The following CNN2 variants were observed in gnomAD, a reference collection of about 807,000 sequenced individuals.
The protein encoded by CNN2 is calponin 2.
In CNN2, 21 loss-of-function variants were observed where a neutral mutation model predicts 31.0. The ratio of observed to expected loss-of-function variants is 0.68; its 90% CI spans 0.48 to 0.98. The LOEUF (loss-of-function observed/expected upper bound fraction) is 0.98, where lower values mean the gene tolerates loss of function less well. Ranked by LOEUF, CNN2 falls within the 50% of genes least tolerant of loss-of-function variation. The probability of loss-of-function intolerance (pLI) is 0.00; values close to 1 mark genes in which losing one functional copy is unlikely to be tolerated. For missense variants in CNN2, 399 were observed against 427.3 expected (o/e 0.93, Z 0.58); for synonymous variants, 165 against 179.6 (o/e 0.92, Z 0.65).
chr19:1,036,034 C>T lies in CNN2; in HGVS notation c.391-96C>T, dbSNP rs1298025519. On this transcript the variant is annotated intron_variant, in intron 4 of 6. Coordinates refer to ENST00000263097, the MANE Select transcript of CNN2 (RefSeq NM_004368.4). Reference sequence around the variant, plus strand: ...GGCTCTGCGCGGCAGGCAGAGGTGACAGGCCGCGGCCTGGTCTCTGTCCCG... The same window carrying T: ...GGCTCTGCGCGGCAGGCAGAGGTGATAGGCCGCGGCCTGGTCTCTGTCCCG... The T allele has an allele frequency of 4.1e-6, 6 of 1,456,114 alleles. No individual in the cohort carries two copies. The East Asian group carries it at 1.5e-4, about 36-fold the overall frequency. The allele number at this position is 1,456,114 out of a possible 1,614,324, so 90.2% of individuals were successfully genotyped here. A position where few individuals can be genotyped will look rare whatever the true frequency, so the allele number is the denominator to read the frequency against.
intron 6 of CNN2, chr19:1,036,986 T>C (rs2144631985): frequency 3.7e-6 from 1 of 270,738 alleles, no homozygotes; most frequent in Non-Finnish European, 7.3e-6. Context: ...GCCTCCCGAG[T>C]AGCTGGGACT....
intron 1 of CNN2, 183 bp from the exon 2 acceptor site, chr19:1,030,888 G>C: frequency 1.4e-6 from 1 of 714,108 alleles, no homozygotes; most frequent in Non-Finnish European, 2.3e-6. Context: ...GCCTGCAGTG[G>C]CTGGGGCGCC....
intron 1 of CNN2, among the ~76,000 whole-genome samples, chr19:1,027,404 G>A (rs2039416401): frequency 1.3e-5 from 2 of 152,274 alleles, no homozygotes; most frequent in African/African-American, 4.8e-5. Flanking sequence ...GCAGGGCGCG[G>A]GGGCTCACGC....
intron 2 of CNN2, 136 bp from the exon 3 acceptor site, chr19:1,032,255 TG>T: frequency 1.2e-6 from 1 of 836,192 alleles, no homozygotes; most frequent in Non-Finnish European, 1.8e-6. Flanking sequence ...AAAAAAAGAG[TG>T]GAAACTGAGG....
At chr19:1,036,350 C>T in intron 5 of CNN2, 66 bp from the exon 6 acceptor site, 1 of 1,589,472 alleles carries the variant, frequency 6.3e-7, no homozygotes, top group Non-Finnish European at 8.6e-7. Context: ...TGTGGTCCCT[C>T]AATTTCAGGG....
At chr19:1,027,717 G>T (rs1268948492) in intron 1 of CNN2, among the ~76,000 whole-genome samples, 2 of 152,082 alleles carry the variant, frequency 1.3e-5, no homozygotes, top group Admixed American at 6.5e-5. Context: ...CTGGAGGGGG[G>T]TGTCGTCCCC....
chr19:1,028,508 C>T (rs2039435087), intron 1 of CNN2, among the ~76,000 whole-genome samples: 1 of 152,194 alleles, frequency 6.6e-6, no homozygotes, highest in African/African-American at 2.4e-5. Context: ...CCCCGCTTCC[C>T]CGTGGCTCAG....
intron 1 of CNN2, among the ~76,000 whole-genome samples, chr19:1,028,896 T>C (rs949293699): frequency 2.0e-5 from 3 of 152,176 alleles, no homozygotes; most frequent in Non-Finnish European, 2.9e-5. Flanking sequence ...CTGGGTGGGC[T>C]GTGAGCTGGT....
At chr19:1,030,100 T>G (rs944155943) in intron 1 of CNN2, among the ~76,000 whole-genome samples, 5 of 152,190 alleles carry the variant, frequency 3.3e-5, no homozygotes, top group African/African-American at 9.6e-5. Flanking sequence ...TCTGCCTCAG[T>G]GCTGTCTCCG....
chr19:1,028,374 A>G (rs2039432403), intron 1 of CNN2, among the ~76,000 whole-genome samples: 1 of 151,958 alleles, frequency 6.6e-6, no homozygotes, highest in Non-Finnish European at 1.5e-5. Context: ...AGGGTGGGCG[A>G]GGCGTCGGCC....
At chr19:1,032,774 C>A in intron 4 of CNN2, 78 bp downstream of exon 4, 1 of 1,172,086 alleles carries the variant, frequency 8.5e-7, no homozygotes, top group Non-Finnish European at 1.2e-6. Context: ...CACTCGTTTG[C>A]AAATTTCTGT....
At chr19:1,030,598 C>A (rs1226763647) in intron 1 of CNN2, among the ~76,000 whole-genome samples, 1 of 152,024 alleles carries the variant, frequency 6.6e-6, no homozygotes, top group African/African-American at 2.4e-5. Flanking sequence ...TGCACTCCAG[C>A]CTGGGCGACA....
intron 4 of CNN2, among the ~76,000 whole-genome samples, chr19:1,035,672 C>T (rs1324111631): frequency 6.6e-6 from 1 of 152,156 alleles, no homozygotes; most frequent in Non-Finnish European, 1.5e-5. Context: ...CCTGTAATCC[C>T]AGCACTTTTG....
chr19:1,032,302 T>G, intron 2 of CNN2, 90 bp from the exon 3 acceptor site: 237 of 1,499,688 alleles, frequency 1.6e-4, no homozygotes, highest in Middle Eastern at 2.4e-4. Context: ...CAGGAAGGCG[T>G]GAGCTTGGCT....
intron 4 of CNN2, among the ~76,000 whole-genome samples, chr19:1,033,707 C>T (rs4807457): frequency 2.1e-5 from 1 of 48,464 alleles, no homozygotes; most frequent in Non-Finnish European, 4.1e-5. Flanking sequence ...TGGTGTAGAC[C>T]GGGAGCGTGG....
intron 1 of CNN2, chr19:1,030,856 G>A (rs889219202): frequency 3.9e-6 from 2 of 510,550 alleles, no homozygotes; most frequent in African/African-American, 3.9e-5. Context: ...CGGCCTGCTT[G>A]GAGGGCGGTT....
Position 1,029,637 on chromosome 19 carries a change from C to T in CNN2, c.64-1434C>T, listed in dbSNP as rs553742583. On this transcript the variant is annotated intron_variant, in intron 1 of 6. Transcript: ENST00000263097. ...CGGAGGCTGAGTGGGGAGCTGTCCG[C>T]GGGAACCTGGGGAGATGGGTGCAGA... is the stretch of plus-strand genomic sequence containing the variant. 6.6e-5 allele frequency among the ~76,000 whole-genome samples: 10 copies of T among 152,096 alleles called. No homozygotes were observed. In the East Asian group the frequency reaches 7.7e-4, roughly 12 times the overall value.
chr19:1,028,374 A>T (rs2039432403), intron 1 of CNN2, among the ~76,000 whole-genome samples: 1 of 151,958 alleles, frequency 6.6e-6, no homozygotes, highest in Non-Finnish European at 1.5e-5. Flanking sequence ...AGGGTGGGCG[A>T]GGCGTCGGCC....
rs532321155 is a variant in CNN2, at chr19:1,026,654, C to A, written c.-8C>A. ...GTGCGGCCCCGTCCCGCCGCCCGCC[C>A]GCCAGCCATGAGCTCCACGCAGTTC... On this transcript the variant is annotated 5_prime_UTR_variant, in exon 1 of 7. Coordinates refer to ENST00000263097, the MANE Select transcript of CNN2 (RefSeq NM_004368.4). The A allele has an allele frequency of 7.0e-4, 1,077 of 1,537,114 alleles. 2 individuals carry two copies. In the African/African-American group the frequency reaches 0.011, roughly 16 times the overall value.
Sources: gnomAD v4.1 joint callset for allele counts (sites outside exome capture counted in the v4.1 genomes callset) on GRCh38, gnomAD v4.1.1 for gene constraint, MANE v1.5 for transcripts, NCBI Gene and HGNC (gene_info 2026-07-23, HGNC 2026-07-21) for gene names.